KCNG2: variants seen among roughly 807,000 people sequenced by gnomAD.
KCNG2 encodes the protein potassium voltage-gated channel modifier subfamily G member 2.
KCNG2 carries 7 observed loss-of-function variants against 12.3 expected under a neutral mutation model. That is an observed-to-expected ratio of 0.57 (90% CI 0.32 to 1.07). KCNG2 has a LOEUF of 1.07. KCNG2 is among the 50% of genes least tolerant of loss of function. The pLI is 0.04. For synonymous variants in KCNG2, 414 were observed against 351.4 expected, an observed-to-expected ratio of 1.18 and a Z score of -1.99; for missense variants, 703 against 726.0, an observed-to-expected ratio of 0.97 and a Z score of 0.36.
At chr18:79,827,268 G>A (rs1486305324) in intron 1 of KCNG2, among the ~76,000 whole-genome samples, 1 of 152,256 alleles carries the variant, frequency 6.6e-6, no homozygotes, top group Non-Finnish European at 1.5e-5. Flanking sequence ...CCCCAGGGCA[G>A]GAGATGTGGG....
At chr18:79,830,993 G>C (rs865821058) in intron 1 of KCNG2, among the ~76,000 whole-genome samples, 1 of 386 alleles carries the variant, frequency 2.6e-3, no homozygotes, top group African/African-American at 0.016. Context: ...TCGTCAGGAG[G>C]GTTCCCTGCG....
chr18:79,806,714 T>C (rs891117182), intron 1 of KCNG2, among the ~76,000 whole-genome samples: 9 of 152,224 alleles, frequency 5.9e-5, no homozygotes, highest in Admixed American at 2.0e-4. Context: ...AATTGGCCTC[T>C]TTCTCTCCTT....
chr18:79,805,893 G>A (rs961439408), intron 1 of KCNG2, among the ~76,000 whole-genome samples: 3 of 152,078 alleles, frequency 2.0e-5, no homozygotes, highest in African/African-American at 4.8e-5. Flanking sequence ...GCACACACAC[G>A]CGCCTAGGGG....
At chr18:79,873,629 G>A (rs56181785) in intron 3 of KCNG2, among the ~76,000 whole-genome samples, 45,345 of 151,926 alleles carry the variant, frequency 0.3, 7,792 homozygotes, top group South Asian at 0.53. Context: ...AGCCCTGGAC[G>A]GGAGCGTTTT....
Position 79,899,154 on chromosome 18 carries a change from C to G in KCNG2, c.739C>G (p.Leu247Val). Residue 247 changes from leucine to valine, a missense_variant, in exon 4 of 4, where the codon CTG becomes GTG. Leu to Val is a conservative substitution (Grantham distance 32, BLOSUM62 1). Transcript: ENST00000316249. ...SLQAESKCAF[L>V]RAPLNIIDIL... ...GCAGGCCGAGAGCAAGTGCGCCTTC[C>G]TGCGCGCGCCACTCAACATCATTGA... 1 of 1,607,150 alleles carries G rather than the reference C, an allele frequency of 6.2e-7. No homozygotes were observed. Among genetic ancestry groups the G allele is most frequent in the Non-Finnish European group, 8.5e-7 (1 of 1,179,660 alleles).
intron 1 of KCNG2, among the ~76,000 whole-genome samples, chr18:79,809,462 GCCGCGCTGACCACACT>G (rs2087475466): frequency 6.9e-6 from 1 of 144,062 alleles, no homozygotes; most frequent in Non-Finnish European, 1.5e-5. Flanking sequence ...AGCTGCCGGG[GCCGCGCTGACCACACT>G]CCACGTTATG....
intron 3 of KCNG2, among the ~76,000 whole-genome samples, chr18:79,878,034 C>T (rs961196008): frequency 4.3e-4 from 65 of 152,266 alleles, no homozygotes; most frequent in African/African-American, 1.4e-3. Context: ...TCCCACGTTG[C>T]GGTTCCCGAT....
intron 1 of KCNG2, among the ~76,000 whole-genome samples, chr18:79,823,310 G>A (rs1390581548): frequency 6.6e-6 from 1 of 152,186 alleles, no homozygotes; most frequent in Non-Finnish European, 1.5e-5. Flanking sequence ...CTGTGCTGCT[G>A]TGAACACCAC....
intron 1 of KCNG2, among the ~76,000 whole-genome samples, chr18:79,801,195 C>T (rs1029913957): frequency 6.6e-6 from 1 of 152,202 alleles, no homozygotes; most frequent in African/African-American, 2.4e-5. Context: ...AGAAACCATG[C>T]AGTATTTTAA....
intron 1 of KCNG2, among the ~76,000 whole-genome samples, chr18:79,817,231 C>T (rs1568244176): frequency 6.6e-6 from 1 of 151,900 alleles, no homozygotes; most frequent in Non-Finnish European, 1.5e-5. Flanking sequence ...ACACGGCTGT[C>T]ACACACCTGC....
intron 1 of KCNG2, among the ~76,000 whole-genome samples, chr18:79,820,256 C>A (rs77538982): frequency 1.3e-5 from 2 of 152,224 alleles, no homozygotes; most frequent in African/African-American, 4.8e-5. Flanking sequence ...GGGGCTGATG[C>A]GGCTCTGAAT....
intron 1 of KCNG2, among the ~76,000 whole-genome samples, chr18:79,798,334 A>C (rs950485940): frequency 5.5e-4 from 83 of 152,034 alleles, no homozygotes; most frequent in African/African-American, 2.0e-3. Context: ...GCGCGCGTGG[A>C]TGGAGGTCTC....
chr18:79,887,819 C>T (rs1007373284), intron 3 of KCNG2, among the ~76,000 whole-genome samples: 2 of 152,074 alleles, frequency 1.3e-5, no homozygotes, highest in African/African-American at 4.8e-5. Flanking sequence ...CTGTGAAGTT[C>T]GGGAATGGAC....
intron 1 of KCNG2, among the ~76,000 whole-genome samples, chr18:79,821,082 T>A (rs1462163540): frequency 6.6e-6 from 1 of 152,238 alleles, no homozygotes; most frequent in Non-Finnish European, 1.5e-5. Flanking sequence ...GGCTTTCATT[T>A]TGTTGATAGT....
chr18:79,866,980 CCTGGGTGCTGAGAGGT>C (rs1434008092), intron 3 of KCNG2, among the ~76,000 whole-genome samples: 1 of 56,932 alleles, frequency 1.8e-5, no homozygotes, highest in Non-Finnish European at 3.7e-5. Flanking sequence ...TGCTAAGAGG[CCTGGGTGCTGAGAGGT>C]CTGTGTGCTG....
At chr18:79,847,441 C>A (rs569619021) in intron 1 of KCNG2, among the ~76,000 whole-genome samples, 1 of 152,322 alleles carries the variant, frequency 6.6e-6, no homozygotes, top group South Asian at 2.1e-4. Flanking sequence ...GGATCCCAGT[C>A]GAGAAGCCCT....
intron 1 of KCNG2, among the ~76,000 whole-genome samples, chr18:79,825,672 C>G (rs1309976467): frequency 6.6e-6 from 1 of 152,214 alleles, no homozygotes; most frequent in Non-Finnish European, 1.5e-5. Context: ...GAAGGTAGAT[C>G]AATCACGCTG....
At chr18:79,894,996 C>G (rs148423004) in intron 3 of KCNG2, among the ~76,000 whole-genome samples, 1 of 151,576 alleles carries the variant, frequency 6.6e-6, no homozygotes, top group African/African-American at 2.4e-5. Context: ...GTTGTTCACT[C>G]CATTCACATC....
At chr18:79,896,648 C>G (rs1027879500) in intron 3 of KCNG2, among the ~76,000 whole-genome samples, 1 of 152,148 alleles carries the variant, frequency 6.6e-6, no homozygotes, top group African/African-American at 2.4e-5. Context: ...TTTATAGTGT[C>G]TTTTCTAATT....
Sources: allele counts gnomAD v4.1 joint callset (sites outside exome capture counted in the v4.1 genomes callset), GRCh38; gene constraint gnomAD v4.1.1; transcripts MANE v1.5; gene names NCBI Gene and HGNC (gene_info 2026-07-23, HGNC 2026-07-21).